The following NLRP1 variants were observed in gnomAD, a reference collection of about 807,000 sequenced individuals.
NLRP1 encodes NLR family pyrin domain containing 1.
Under a neutral mutation model 136.7 loss-of-function variants are expected in NLRP1, and 94 were observed. The observed-to-expected ratio is 0.69, with a 90% confidence interval of 0.58 to 0.82. NLRP1 has a LOEUF of 0.82. Among genes scored for constraint, NLRP1 ranks in the 40% least tolerant of loss-of-function variants. The probability of loss-of-function intolerance (pLI) is 0.00; values close to 1 mark genes in which losing one functional copy is unlikely to be tolerated. For missense variants in NLRP1, 1,575 were observed against 1,802.7 expected (o/e 0.87, Z 2.29); for synonymous variants, 690 against 725.1 (o/e 0.95, Z 0.78).
intron 3 of NLRP1, among the ~76,000 whole-genome samples, chr17:5,573,366 C>T (rs528753349): frequency 8.9e-4 from 136 of 152,334 alleles, no homozygotes; most frequent in Non-Finnish European, 1.6e-3. Flanking sequence ...GGCCTGCCTG[C>T]CTCTGTAGAC....
rs746611814 is a variant in NLRP1 at position 5,533,926 on chromosome 17, G to A, written c.3023C>T (p.Ser1008Phe). Reference sequence around the variant, plus strand: ...TCCGAGTCTCTGCCGCTTGAGTGAGGATGTGCTATTACTCATCTCTCCCGT... The same window carrying A: ...TCCGAGTCTCTGCCGCTTGAGTGAGAATGTGCTATTACTCATCTCTCCCGT... ...LDTGEMSNST[S>F]SLKRQRLGSE... is the part of the protein sequence containing the mutation. Residue 1008 changes from serine (S) to phenylalanine (F), a missense_variant, in exon 9 of 17, where the codon TCC becomes TTC. Coordinates refer to ENST00000572272, the MANE Select transcript of NLRP1 (RefSeq NM_033004.4). 6.2e-7 allele frequency: 1 copy of A among 1,612,908 alleles called. No homozygotes were observed. The highest frequency in any genetic ancestry group is 8.5e-7 in the Non-Finnish European group (1 of 1,179,148).
intron 5 of NLRP1, among the ~76,000 whole-genome samples, chr17:5,552,180 T>C (rs1913462874): frequency 6.6e-6 from 1 of 151,488 alleles, no homozygotes; most frequent in Non-Finnish European, 1.5e-5. Flanking sequence ...CCAATACATT[T>C]TGGCATGTTG....
chr17:5,575,691 C>A (rs1904939035), intron 3 of NLRP1, among the ~76,000 whole-genome samples: 2 of 152,108 alleles, frequency 1.3e-5, no homozygotes, highest in Admixed American at 1.3e-4. Flanking sequence ...CTTTAACACC[C>A]CCCTGTCAAC....
At chr17:5,561,309 C>T (rs902982464) in intron 3 of NLRP1, among the ~76,000 whole-genome samples, 3 of 152,222 alleles carry the variant, frequency 2.0e-5, no homozygotes, top group Non-Finnish European at 4.4e-5. Context: ...CCCGCCTCAG[C>T]CTCCCAAAGT....
At chr17:5,515,818 G>C (rs1360212450) in intron 15 of NLRP1, among the ~76,000 whole-genome samples, 1 of 152,198 alleles carries the variant, frequency 6.6e-6, no homozygotes, top group African/African-American at 2.4e-5. Context: ...TTAATCCCGT[G>C]TTGGCCTGAA....
rs202204276 is a variant in NLRP1 at position 5,530,666 on chromosome 17, T to C, written c.3335A>G (p.Asn1112Ser). The stretch of plus-strand genomic sequence containing the variant: ...TCTCATCACAAAGCAGAGACCCGTG[T>C]TGGGCCAGCGGTAGGAGCCAGCTAC... ...FPVAGSYRWP[N>S]TGLCFVMREA... Residue 1112 changes from asparagine (N) to serine (S), a missense_variant, in exon 12 of 17, where the codon AAC becomes AGC. Asn to Ser is a conservative substitution (Grantham distance 46). Coordinates refer to ENST00000572272, the MANE Select transcript of NLRP1 (RefSeq NM_033004.4). 4.3e-6 allele frequency: 7 copies of C among 1,614,060 alleles called. No individual in the cohort carries two copies. The Admixed American group carries it at 6.7e-5, about 15-fold the overall frequency.
chr17:5,556,077 AG>A (rs1914013022), intron 4 of NLRP1, among the ~76,000 whole-genome samples: 2 of 150,286 alleles, frequency 1.3e-5, no homozygotes, highest in Non-Finnish European at 2.9e-5. Flanking sequence ...CTGGTGACAG[AG>A]CAAGACTCTG....
At chr17:5,538,787 C>T (rs1023090727) in intron 7 of NLRP1, among the ~76,000 whole-genome samples, 4 of 152,150 alleles carry the variant, frequency 2.6e-5, no homozygotes, top group Admixed American at 1.3e-4. Context: ...GGAACCTGAG[C>T]GTCCCCTAGA....
At chr17:5,556,765 A>G (rs776304702) in intron 4 of NLRP1, among the ~76,000 whole-genome samples, 44 of 152,010 alleles carry the variant, frequency 2.9e-4, no homozygotes, top group Non-Finnish European at 5.4e-4. Flanking sequence ...CTGGGATTAC[A>G]GGCGCCTGAC....
At chr17:5,532,782 C>T (rs201988077) in intron 11 of NLRP1, 40 bp downstream of exon 11, 135 of 1,537,948 alleles carry the variant, frequency 8.8e-5, no homozygotes, top group Non-Finnish European at 1.1e-4. Flanking sequence ...CAGTGGGGTG[C>T]GGGAGGCCAG....
At chr17:5,522,397 C>T (rs1188401507) in intron 12 of NLRP1, among the ~76,000 whole-genome samples, 1 of 152,228 alleles carries the variant, frequency 6.6e-6, no homozygotes, top group East Asian at 1.9e-4. Context: ...TTGCTTGTCC[C>T]TTCCACCCTG....
downstream of NLRP1, chr17:5,512,169 A>G (rs1222686079): frequency 8.5e-6 from 9 of 1,056,308 alleles, no homozygotes; most frequent in Non-Finnish European, 1.2e-5. Context: ...CTGAATTCTC[A>G]CTTTCAGGGC....
At chr17:5,564,693 T>C (rs1915126303) in intron 3 of NLRP1, among the ~76,000 whole-genome samples, 1 of 151,898 alleles carries the variant, frequency 6.6e-6, no homozygotes, top group Non-Finnish European at 1.5e-5. Context: ...TTTCCTTTCT[T>C]TTGGATGTAT....
Position 5,559,661 on chromosome 17 carries a change from C to T in NLRP1, c.1035G>A (p.Arg345=). ...CTCTCCCCCAGGCTTCCTTCACCTGCCTGGCCAGTGTTGACTTCCCAATTC... is the reference window on the plus strand; with the variant it reads ...CTCTCCCCCAGGCTTCCTTCACCTGTCTGGCCAGTGTTGACTTCCCAATTC... ...AAGIGKSTLA[R]QVKEAWGRGQ... is the part of the protein sequence containing the mutation. The change falls in exon 4 of 17, where the codon AGG becomes AGA. Residue 345 remains arginine, a synonymous_variant. Transcript: ENST00000572272. The T allele has an allele frequency of 6.2e-7, 1 of 1,614,264 alleles. No homozygotes were observed.
chr17:5,536,636 T>C (rs1911108579), intron 8 of NLRP1, among the ~76,000 whole-genome samples: 1 of 151,922 alleles, frequency 6.6e-6, no homozygotes, highest in South Asian at 2.1e-4. Flanking sequence ...CCCACTTACT[T>C]TTTCATGTTT....
intron 3 of NLRP1, among the ~76,000 whole-genome samples, chr17:5,577,647 A>G (rs376335432): frequency 1.3e-5 from 2 of 152,232 alleles, no homozygotes; most frequent in Non-Finnish European, 2.9e-5. Context: ...ATGCTCATGG[A>G]TAGGAAGAAT....
chr17:5,563,394 G>A (rs1447132837), intron 3 of NLRP1, among the ~76,000 whole-genome samples: 1 of 152,194 alleles, frequency 6.6e-6, no homozygotes, highest in Non-Finnish European at 1.5e-5. Flanking sequence ...AAATGATACA[G>A]GAGCTGAAAG....
At position 5,533,006 on chromosome 17, in the gene NLRP1, C is replaced by A; in HGVS notation, c.3134-22G>T. ...TCCTCTGAAACAGCAAGGCAGCGGT[C>A]AGCTCCAGATTCTCCCGCCTGGCCT... is the stretch of plus-strand genomic sequence containing the variant. On this transcript the variant is annotated intron_variant, in intron 10 of 16. Coordinates refer to ENST00000572272, the MANE Select transcript of NLRP1 (RefSeq NM_033004.4). 3.7e-6 allele frequency: 6 copies of A among 1,603,658 alleles called. 1 individual carries two copies. In the South Asian group the frequency reaches 6.7e-5, roughly 18 times the overall value.
rs139751169 is a variant in NLRP1, at chr17:5,580,076, A to G, written c.652+1783T>C. ...TGGTGAAACCCCATCTCTACTAAAA[A>G]TACAAAAAATTAGCAGGGCTTCGTG... On this transcript the variant is annotated intron_variant, in intron 3 of 16. Coordinates refer to ENST00000572272, the MANE Select transcript of NLRP1 (RefSeq NM_033004.4). Among the ~76,000 whole-genome samples the G allele has an allele frequency of 4.4e-3, 677 of 152,224 alleles. 3 individuals are homozygous for G. Among genetic ancestry groups the G allele is most frequent in the Admixed American group, 6.1e-3 (94 of 15,292 alleles).
Sources: gnomAD v4.1 joint callset for allele counts (sites outside exome capture counted in the v4.1 genomes callset) on GRCh38, gnomAD v4.1.1 for gene constraint, MANE v1.5 for transcripts, NCBI Gene and HGNC (gene_info 2026-07-23, HGNC 2026-07-21) for gene names.